The following PALLD variants were observed in gnomAD, a reference collection of about 807,000 sequenced individuals.
PALLD encodes the protein palladin, cytoskeletal associated protein, also known as palladin.
A neutral mutation model predicts 123.5 loss-of-function variants in PALLD; 61 were observed. That is an observed-to-expected ratio of 0.49 (90% CI 0.40 to 0.61). The LOEUF is 0.61. Among genes scored for constraint, PALLD ranks in the 20% least tolerant of loss-of-function variants. PALLD has a pLI of 0.00. For missense variants in PALLD, 1,273 were observed against 1,377.0 expected (o/e 0.92, Z 1.20); for synonymous variants, 465 against 496.4 (o/e 0.94, Z 0.84).
At chr4:168,599,900 TCACA>T (rs10546577) in intron 2 of PALLD, among the ~76,000 whole-genome samples, 1 of 151,734 alleles carries the variant, frequency 6.6e-6, no homozygotes, top group African/African-American at 2.4e-5. Flanking sequence ...TGTGTGTATA[TCACA>T]CACACACACA....
chr4:168,499,109 A>G (rs1450896263), intron 1 of PALLD, among the ~76,000 whole-genome samples: 2 of 132,770 alleles, frequency 1.5e-5, no homozygotes, highest in Non-Finnish European at 3.1e-5. Context: ...ATTGTAGTGC[A>G]TTTTCTGCAT....
chr4:168,607,679 T>A (rs1465466950), intron 2 of PALLD, among the ~76,000 whole-genome samples: 3 of 152,082 alleles, frequency 2.0e-5, no homozygotes, highest in Non-Finnish European at 4.4e-5. Flanking sequence ...ACCACAGAAC[T>A]AAGGTAATTT....
intron 14 of PALLD, 55 bp from the exon 15 acceptor site, chr4:168,903,701 CA>C: frequency 7.0e-7 from 1 of 1,420,592 alleles, no homozygotes; most frequent in South Asian, 1.2e-5. Flanking sequence ...TTCAGTTCTC[CA>C]AATAGAGTAG....
In PALLD at chr4:168,779,489, A is replaced by G. The variant is rs138330981; in HGVS notation, c.1964+67566A>G. Among the ~76,000 whole-genome samples the G allele has an allele frequency of 7.7e-4, 117 of 151,076 alleles. 1 individual carries two copies. Among genetic ancestry groups the G allele is most frequent in the Admixed American group, 5.5e-3 (83 of 15,120 alleles). Reference sequence around the variant, plus strand: ...TATAAACTTCATGTGAACATCATATATATATAAAAAATCATATATATATAA... The same window carrying G: ...TATAAACTTCATGTGAACATCATATGTATATAAAAAATCATATATATATAA... On this transcript the variant is annotated intron_variant, in intron 10 of 21. Coordinates refer to ENST00000505667, the MANE Select transcript of PALLD (RefSeq NM_001166108.2).
intron 10 of PALLD, among the ~76,000 whole-genome samples, chr4:168,755,062 C>T (rs1431214682): frequency 6.6e-6 from 1 of 152,016 alleles, no homozygotes; most frequent in Non-Finnish European, 1.5e-5. Context: ...GAAACCCCGT[C>T]TCTACTAAAA....
intron 2 of PALLD, among the ~76,000 whole-genome samples, chr4:168,569,436 G>A (rs150465891): frequency 6.6e-6 from 1 of 152,218 alleles, no homozygotes; most frequent in East Asian, 1.9e-4. Context: ...GGACTTTTAT[G>A]AAGGGAAAAT....
intron 10 of PALLD, among the ~76,000 whole-genome samples, chr4:168,820,338 T>A (rs1432163780): frequency 6.6e-6 from 1 of 152,208 alleles, no homozygotes; most frequent in Non-Finnish European, 1.5e-5. Context: ...ACAGAGAGGT[T>A]AAATAACTTC....
chr4:168,922,083 A>T (rs1200200694), intron 18 of PALLD, among the ~76,000 whole-genome samples: 1 of 120,954 alleles, frequency 8.3e-6, no homozygotes, highest in Non-Finnish European at 1.6e-5. Context: ...AAAGTTTTAT[A>T]TTTATATATA....
chr4:168,575,415 G>T (rs1376643215), intron 2 of PALLD, among the ~76,000 whole-genome samples: 1 of 151,848 alleles, frequency 6.6e-6, no homozygotes, highest in Non-Finnish European at 1.5e-5. Flanking sequence ...AAAACCATCA[G>T]ATCTCATGAG....
intron 8 of PALLD, among the ~76,000 whole-genome samples, chr4:168,708,796 C>T (rs1013855678): frequency 2.0e-5 from 3 of 152,042 alleles, no homozygotes; most frequent in Non-Finnish European, 2.9e-5. Flanking sequence ...ATGAGGACAC[C>T]GAGACTGCTC....
chr4:168,832,322 C>T (rs1744368669), intron 10 of PALLD, among the ~76,000 whole-genome samples: 1 of 152,066 alleles, frequency 6.6e-6, no homozygotes, highest in African/African-American at 2.4e-5. Flanking sequence ...CACTTTCCAC[C>T]CGGCCGGTTC....
chr4:168,806,043 A>G (rs1036233330), intron 10 of PALLD, among the ~76,000 whole-genome samples: 1 of 152,094 alleles, frequency 6.6e-6, no homozygotes, highest in Non-Finnish European at 1.5e-5. Flanking sequence ...GAGTTCTCAC[A>G]AGATCTAGTT....
intron 2 of PALLD, among the ~76,000 whole-genome samples, chr4:168,586,090 GTGTT>G (rs1561275849): frequency 1.4e-5 from 2 of 145,200 alleles, no homozygotes; most frequent in Non-Finnish European, 3.0e-5. Context: ...TTTAGCCAGA[GTGTT>G]TGAGCACTTT....
At chr4:168,919,826 C>T (rs1761065395) in intron 17 of PALLD, among the ~76,000 whole-genome samples, 2 of 152,174 alleles carry the variant, frequency 1.3e-5, no homozygotes, top group South Asian at 4.1e-4. Flanking sequence ...TTGTGACCTG[C>T]TGGTGGTGAC....
At chr4:168,566,145 C>A (rs370873247) in intron 2 of PALLD, among the ~76,000 whole-genome samples, 3 of 152,134 alleles carry the variant, frequency 2.0e-5, no homozygotes, top group African/African-American at 4.8e-5. Context: ...TTCAGGAGTG[C>A]TAAGGTATCA....
intron 2 of PALLD, among the ~76,000 whole-genome samples, chr4:168,515,602 G>A (rs1029159962): frequency 5.9e-5 from 9 of 152,320 alleles, no homozygotes; most frequent in African/African-American, 1.2e-4. Flanking sequence ...GAAGCTTGGC[G>A]GTTGGCCAAT....
At chr4:168,624,903 A>C (rs1194298408) in intron 2 of PALLD, among the ~76,000 whole-genome samples, 2 of 152,162 alleles carry the variant, frequency 1.3e-5, no homozygotes, top group Non-Finnish European at 2.9e-5. Flanking sequence ...CAAAGGACAC[A>C]AAATAAGATT....
At chr4:168,918,938 A>G (rs1248594095) in intron 17 of PALLD, among the ~76,000 whole-genome samples, 1 of 152,168 alleles carries the variant, frequency 6.6e-6, no homozygotes, top group Non-Finnish European at 1.5e-5. Context: ...GTGATTATGG[A>G]AAAGTCTTGT....
chr4:168,764,904 G>A (rs1733456007), intron 10 of PALLD, among the ~76,000 whole-genome samples: 1 of 152,146 alleles, frequency 6.6e-6, no homozygotes, highest in Non-Finnish European at 1.5e-5. Context: ...CATGCTGAGT[G>A]AGCTTCACTT....
Sources: gnomAD v4.1 joint callset for allele counts (sites outside exome capture counted in the v4.1 genomes callset) on GRCh38, gnomAD v4.1.1 for gene constraint, MANE v1.5 for transcripts, NCBI Gene and HGNC (gene_info 2026-07-23, HGNC 2026-07-21) for gene names.